The following USP10 variants were observed in gnomAD, a reference collection of about 807,000 sequenced individuals.
USP10 encodes ubiquitin carboxyl-terminal hydrolase 10.
Under a neutral mutation model 84.5 loss-of-function variants are expected in USP10, and 22 were observed. The observed-to-expected ratio is 0.26, with a 90% confidence interval of 0.19 to 0.37. The LOEUF is 0.37. USP10 is among the 10% of genes least tolerant of loss of function. The pLI is 1.00. For missense variants in USP10, 1,019 were observed against 998.9 expected, an observed-to-expected ratio of 1.02 and a Z score of -0.27; for synonymous variants, 454 against 387.6, an observed-to-expected ratio of 1.17 and a Z score of -2.01.
At chr16:84,721,067 T>A (rs1907743901) in intron 1 of USP10, among the ~76,000 whole-genome samples, 1 of 151,926 alleles carries the variant, frequency 6.6e-6, no homozygotes, top group Non-Finnish European at 1.5e-5. Context: ...CTAATTTTTG[T>A]ATTTTTAGTA....
At chr16:84,743,757 C>T (rs923917435) in intron 3 of USP10, among the ~76,000 whole-genome samples, 1 of 152,162 alleles carries the variant, frequency 6.6e-6, no homozygotes, top group Non-Finnish European at 1.5e-5. Context: ...TATAAAAATA[C>T]GTCTGTCTTA....
Position 84,758,723 on chromosome 16 carries a change from G to T in USP10, c.1200G>T (p.Leu400=). ...DPVAIKIAEL[L]ENVTLIHKPV... is the part of the protein sequence containing the mutation. ...GCTTCTTCACTCTTTCAGAGTTGCT[G>T]GAGAATGTAACCCTAATCCATAAAC... Residue 400 remains leucine (L), a synonymous_variant, in exon 5 of 14, where the codon CTG becomes CTT. Transcript: ENST00000219473. 3 of 1,611,882 alleles carry T rather than the reference G, an allele frequency of 1.9e-6. No homozygotes were observed. Among genetic ancestry groups the T allele is most frequent in the Non-Finnish European group, 2.5e-6 (3 of 1,177,968 alleles).
chr16:84,748,573 A>T (rs1289647232), intron 4 of USP10, among the ~76,000 whole-genome samples: 1 of 152,064 alleles, frequency 6.6e-6, no homozygotes, highest in East Asian at 1.9e-4. Flanking sequence ...CAAAGTGCTG[A>T]GATTACAGGC....
At chr16:84,767,133 C>T (rs773122448) in intron 10 of USP10, among the ~76,000 whole-genome samples, 2 of 152,050 alleles carry the variant, frequency 1.3e-5, no homozygotes, top group Non-Finnish European at 2.9e-5. Context: ...AAACCCTGGA[C>T]AGAAAAGCTT....
intron 1 of USP10, among the ~76,000 whole-genome samples, chr16:84,714,139 T>G (rs915824039): frequency 6.6e-6 from 1 of 152,142 alleles, no homozygotes; most frequent in Non-Finnish European, 1.5e-5. Flanking sequence ...AGGTAGATTG[T>G]TGCAGAGACC....
intron 3 of USP10, among the ~76,000 whole-genome samples, chr16:84,742,572 A>T (rs7199123): frequency 0.3 from 45,128 of 152,068 alleles, 7,007 homozygotes; most frequent in Admixed American, 0.42. Flanking sequence ...CGTGGTTTTA[A>T]GAGCCTCTGC....
At chr16:84,743,888 C>T (rs1014605878) in intron 3 of USP10, among the ~76,000 whole-genome samples, 6 of 152,196 alleles carry the variant, frequency 3.9e-5, no homozygotes, top group Non-Finnish European at 8.8e-5. Flanking sequence ...GGCTTTACCA[C>T]CCATGGGGTT....
chr16:84,731,816 C>G (rs959720953), intron 1 of USP10, among the ~76,000 whole-genome samples: 1 of 151,272 alleles, frequency 6.6e-6, no homozygotes, highest in African/African-American at 2.4e-5. Context: ...TTTTCTGCTT[C>G]CTTTTAGCCT....
At chr16:84,747,393 G>A (rs8051593) in intron 4 of USP10, among the ~76,000 whole-genome samples, 107,158 of 152,004 alleles carry the variant, frequency 0.7, 38,984 homozygotes, top group East Asian at 0.95. Flanking sequence ...TGGCAATAGG[G>A]TGATAGCAAG....
intron 1 of USP10, among the ~76,000 whole-genome samples, chr16:84,723,078 G>A (rs1043743248): frequency 3.3e-5 from 5 of 151,916 alleles, no homozygotes; most frequent in African/African-American, 7.3e-5. Context: ...GGTCAAAGAT[G>A]GGGGGTGGGG....
intron 1 of USP10, among the ~76,000 whole-genome samples, chr16:84,711,640 A>G (rs192831183): frequency 6.6e-6 from 1 of 151,564 alleles, no homozygotes; most frequent in Non-Finnish European, 1.5e-5. Context: ...TGCCACAACA[A>G]TGTATTCTAA....
At chr16:84,712,391 T>G in intron 1 of USP10, among the ~76,000 whole-genome samples, 1 of 152,262 alleles carries the variant, frequency 6.6e-6, no homozygotes, top group East Asian at 1.9e-4. Context: ...TCAGGAAGGC[T>G]TTCTTGAGTC....
chr16:84,760,803 G>A (rs955384206), intron 8 of USP10, among the ~76,000 whole-genome samples: 1 of 152,160 alleles, frequency 6.6e-6, no homozygotes. Context: ...CCCTGGGGCT[G>A]TTGAGAGTGA....
chr16:84,719,360 T>A (rs1316559974), intron 1 of USP10, among the ~76,000 whole-genome samples: 1 of 152,204 alleles, frequency 6.6e-6, no homozygotes, highest in African/African-American at 2.4e-5. Context: ...GAGCTTTTAC[T>A]TGGATCACGG....
rs1448590384 is a variant in USP10 at position 84,772,441 on chromosome 16, C to T, written c.1999-100C>T. ...GAAGTCCTGCCACAGGACTCTTGGGCCTCACCTCTCAGAGGACGTCTTTGA... is the reference window on the plus strand; with the variant it reads ...GAAGTCCTGCCACAGGACTCTTGGGTCTCACCTCTCAGAGGACGTCTTTGA... On this transcript the variant is annotated intron_variant, in intron 11 of 13. Transcript: ENST00000219473. 3 of 1,534,530 alleles carry T rather than the reference C, an allele frequency of 2.0e-6. No individual in the cohort carries two copies. The East Asian group carries it at 6.8e-5, about 35-fold the overall frequency.
intron 10 of USP10, among the ~76,000 whole-genome samples, chr16:84,766,848 A>G (rs895181415): frequency 1.3e-5 from 2 of 152,212 alleles, no homozygotes; most frequent in East Asian, 3.8e-4. Context: ...CTTTTCAGCC[A>G]TTGTTAAGCA....
At chr16:84,738,429 T>G (rs1029427587) in intron 2 of USP10, among the ~76,000 whole-genome samples, 7 of 152,202 alleles carry the variant, frequency 4.6e-5, no homozygotes, top group African/African-American at 1.7e-4. Context: ...GTTTCTAAAC[T>G]GTCTTCTTTG....
intron 1 of USP10, among the ~76,000 whole-genome samples, chr16:84,729,028 A>C (rs1306414305): frequency 1.3e-5 from 2 of 151,868 alleles, no homozygotes; most frequent in African/African-American, 4.8e-5. Flanking sequence ...GAACTCCTGA[A>C]GTCAAGTGAT....
At chr16:84,700,555 T>TG (rs1272099475) in intron 1 of USP10, among the ~76,000 whole-genome samples, 5 of 152,108 alleles carry the variant, frequency 3.3e-5, no homozygotes, top group Non-Finnish European at 7.4e-5. Context: ...CTCAGAGATT[T>TG]GGGGGTGCCC....
Sources: gnomAD v4.1 joint callset for allele counts (sites outside exome capture counted in the v4.1 genomes callset) on GRCh38, gnomAD v4.1.1 for gene constraint, MANE v1.5 for transcripts, NCBI Gene and HGNC (gene_info 2026-07-23, HGNC 2026-07-21) for gene names.